ROBO2: variants seen among roughly 807,000 people sequenced by gnomAD.
The protein encoded by ROBO2 is roundabout guidance receptor 2, also known as roundabout homolog 2.
ROBO2 carries 53 observed loss-of-function variants against 160.8 expected under a neutral mutation model. The ratio of observed to expected loss-of-function variants is 0.33; its 90% CI spans 0.26 to 0.41. The LOEUF is 0.41. Among genes scored for constraint, ROBO2 ranks in the 10% least tolerant of loss-of-function variants. The probability of loss-of-function intolerance (pLI) is 1.00; values close to 1 mark genes in which losing one functional copy is unlikely to be tolerated. For missense variants in ROBO2, 1,577 were observed against 1,722.4 expected, an observed-to-expected ratio of 0.92 and a Z score of 1.49; for synonymous variants, 664 against 611.7, an observed-to-expected ratio of 1.09 and a Z score of -1.26.
At chr3:77,251,630 C>T (rs1165558665) in intron 2 of ROBO2, among the ~76,000 whole-genome samples, 1 of 152,148 alleles carries the variant, frequency 6.6e-6, no homozygotes. Flanking sequence ...CGACCCGAAT[C>T]TCACCTTGAA....
At chr3:75,992,034 A>T (rs1177756304) in intron 2 of ROBO2, among the ~76,000 whole-genome samples, 1 of 152,210 alleles carries the variant, frequency 6.6e-6, no homozygotes, top group Admixed American at 6.5e-5. Flanking sequence ...TGTAAAAGGA[A>T]GTCAGTTTTA....
intron 2 of ROBO2, among the ~76,000 whole-genome samples, chr3:76,418,510 T>C (rs543539853): frequency 6.6e-6 from 1 of 152,306 alleles, no homozygotes; most frequent in Non-Finnish European, 1.5e-5. Context: ...AGTGTTGGGA[T>C]TACAGGCAGG....
At chr3:76,877,602 C>T (rs534149279) in intron 2 of ROBO2, among the ~76,000 whole-genome samples, 4 of 152,218 alleles carry the variant, frequency 2.6e-5, no homozygotes, top group South Asian at 4.1e-4. Context: ...TTTGTATCTT[C>T]GAAAGTTCTA....
chr3:76,231,499 C>T (rs191505509), intron 2 of ROBO2, among the ~76,000 whole-genome samples: 92 of 152,150 alleles, frequency 6.0e-4, no homozygotes, highest in African/African-American at 2.1e-3. Context: ...TCTTTGATGA[C>T]TTTCTTGACT....
intron 2 of ROBO2, among the ~76,000 whole-genome samples, chr3:76,056,082 CAA>C (rs1044922626): frequency 6.7e-6 from 1 of 150,272 alleles, no homozygotes; most frequent in African/African-American, 2.4e-5. Flanking sequence ...AAATGAAAAA[CAA>C]AAAAAGATAA....
intron 24 of ROBO2, among the ~76,000 whole-genome samples, chr3:77,643,718 C>G (rs966586908): frequency 1.3e-5 from 2 of 152,120 alleles, no homozygotes; most frequent in African/African-American, 4.8e-5. Context: ...TTCATTTGGA[C>G]TTAATGTGTT....
In ROBO2 at chr3:77,526,820, G is replaced by A. The variant is rs142969755; in HGVS notation, c.934+3918G>A. The stretch of plus-strand genomic sequence containing the variant: ...AGAAAAAAGCTTAACAGTAGTTAGG[G>A]AGCTACTGAGTTGAAATCTCTAAGG... On this transcript the variant is annotated intron_variant, in intron 6 of 25. Transcript: ENST00000461745. Among the ~76,000 whole-genome samples the A allele has an allele frequency of 4.2e-4, 63 of 151,518 alleles. 1 individual carries two copies. The East Asian group carries it at 0.012, about 30-fold the overall frequency.
At chr3:76,123,740 A>T (rs183705552) in intron 2 of ROBO2, among the ~76,000 whole-genome samples, 3 of 151,996 alleles carry the variant, frequency 2.0e-5, no homozygotes, top group African/African-American at 7.2e-5. Context: ...TCCTTTTTCT[A>T]ATGTACTTGG....
intron 2 of ROBO2, among the ~76,000 whole-genome samples, chr3:77,030,661 G>A (rs1317391080): frequency 6.6e-6 from 1 of 152,112 alleles, no homozygotes; most frequent in Non-Finnish European, 1.5e-5. Flanking sequence ...CGTTGCATCT[G>A]GTGGCCTGAT....
chr3:77,240,499 C>T (rs2088865670), intron 2 of ROBO2, among the ~76,000 whole-genome samples: 1 of 152,200 alleles, frequency 6.6e-6, no homozygotes, highest in Admixed American at 6.5e-5. Context: ...AGGGAGCCGG[C>T]TCCAGCCTCG....
At position 76,044,734 on chromosome 3, in the gene ROBO2, A is replaced by G. The variant is rs569200159; in HGVS notation, c.109+107132A>G. Among the ~76,000 whole-genome samples the G allele has an allele frequency of 1.2e-3, 176 of 152,088 alleles. 7 individuals carry two copies. Among genetic ancestry groups the G allele is most frequent in the African/African-American group, 4.0e-3 (167 of 41,386 alleles). On this transcript the variant is annotated intron_variant, in intron 2 of 26. Transcript: ENST00000487694. Reference sequence around the variant, plus strand: ...AATGTGCAATGTGCATAAATAAAATACTCTGGGATAAGTGCCATGACTAAA... The same window carrying G: ...AATGTGCAATGTGCATAAATAAAATGCTCTGGGATAAGTGCCATGACTAAA...
chr3:77,621,859 C>T (rs949721294), intron 22 of ROBO2, among the ~76,000 whole-genome samples: 6 of 152,142 alleles, frequency 3.9e-5, no homozygotes, highest in Non-Finnish European at 7.3e-5. Flanking sequence ...AGAATTTTGA[C>T]ACTAAACTGA....
At chr3:77,518,525 C>A (rs2090259711) in intron 5 of ROBO2, among the ~76,000 whole-genome samples, 1 of 151,342 alleles carries the variant, frequency 6.6e-6, no homozygotes, top group Admixed American at 6.6e-5. Flanking sequence ...GTAGCATTTA[C>A]TTCTAGTTGG....
chr3:76,326,228 T>C (rs987150539), intron 2 of ROBO2, among the ~76,000 whole-genome samples: 5 of 152,126 alleles, frequency 3.3e-5, no homozygotes, highest in Non-Finnish European at 7.4e-5. Context: ...AAATGGCACA[T>C]GATCAATGTA....
intron 2 of ROBO2, among the ~76,000 whole-genome samples, chr3:77,153,324 G>C (rs1316869405): frequency 1.3e-5 from 2 of 151,930 alleles, no homozygotes; most frequent in Non-Finnish European, 2.9e-5. Context: ...ATATTTGATG[G>C]ATTGTATCTT....
At chr3:76,164,970 C>T (rs1312842808) in intron 2 of ROBO2, among the ~76,000 whole-genome samples, 1 of 152,154 alleles carries the variant, frequency 6.6e-6, no homozygotes, top group Non-Finnish European at 1.5e-5. Flanking sequence ...GCTGTGTACT[C>T]ACGGAGCTGC....
At chr3:77,221,435 G>A (rs1049457036) in intron 2 of ROBO2, among the ~76,000 whole-genome samples, 2 of 152,162 alleles carry the variant, frequency 1.3e-5, no homozygotes, top group East Asian at 1.9e-4. Flanking sequence ...GACACTGATC[G>A]AATGTGAAAG....
chr3:77,324,595 C>G (rs922461891), intron 2 of ROBO2, among the ~76,000 whole-genome samples: 4 of 151,854 alleles, frequency 2.6e-5, no homozygotes, highest in African/African-American at 9.7e-5. Flanking sequence ...CTGGCTAACA[C>G]GGTGAAACCC....
rs548833809 is a variant in ROBO2, at chr3:76,445,169, C to A, written c.109+507567C>A. Reference sequence around the variant, plus strand: ...ATCCATAGAATAAACTTATTTATTACATAGTCCAAGTAGATTATATAAATC... The same window carrying A: ...ATCCATAGAATAAACTTATTTATTAAATAGTCCAAGTAGATTATATAAATC... On this transcript the variant is annotated intron_variant, in intron 2 of 26. Coordinates refer to the ROBO2 transcript ENST00000487694. Among the ~76,000 whole-genome samples the A allele has an allele frequency of 6.6e-5, 10 of 152,182 alleles. No homozygotes were observed. In the East Asian group the frequency reaches 1.7e-3, roughly 26 times the overall value.
Sources: gnomAD v4.1 joint callset for allele counts (sites outside exome capture counted in the v4.1 genomes callset) on GRCh38, gnomAD v4.1.1 for gene constraint, MANE v1.5 for transcripts, NCBI Gene and HGNC (gene_info 2026-07-23, HGNC 2026-07-21) for gene names.